The following NCAPG variants were observed in gnomAD, a reference collection of about 807,000 sequenced individuals.
NCAPG encodes condensin complex subunit 3.
Under a neutral mutation model 113.1 loss-of-function variants are expected in NCAPG, and 69 were observed. That is an observed-to-expected ratio of 0.61 (90% CI 0.50 to 0.75). The LOEUF is 0.75. Among genes scored for constraint, NCAPG ranks in the 30% least tolerant of loss-of-function variants. NCAPG has a pLI of 0.00. For synonymous variants in NCAPG, 370 were observed against 415.8 expected, an observed-to-expected ratio of 0.89 and a Z score of 1.34; for missense variants, 1,058 against 1,177.0, an observed-to-expected ratio of 0.90 and a Z score of 1.48.
intron 20 of NCAPG, 166 bp downstream of exon 20, chr4:17,842,545 AT>A: frequency 1.7e-6 from 1 of 582,680 alleles, no homozygotes; most frequent in Non-Finnish European, 3.1e-6. Context: ...CATCAAGAGC[AT>A]TTGACTTCTT....
At chr4:17,817,739 C>T (rs1408792557) in intron 6 of NCAPG, among the ~76,000 whole-genome samples, 200 bp from the exon 7 acceptor site, 2 of 152,132 alleles carry the variant, frequency 1.3e-5, no homozygotes, top group African/African-American at 2.4e-5. Flanking sequence ...GCAACATGCA[C>T]CCCTAGTATA....
intron 4 of NCAPG, 93 bp downstream of exon 4, chr4:17,815,091 A>C (rs1721148775): frequency 1.3e-6 from 2 of 1,517,626 alleles, no homozygotes; most frequent in Non-Finnish European, 9.0e-7. Context: ...GCATGTAATA[A>C]TTTCTTCAGT....
chr4:17,830,970 A>C, intron 12 of NCAPG, 27 bp from the exon 13 acceptor site: 1 of 1,600,472 alleles, frequency 6.2e-7, no homozygotes, highest in Non-Finnish European at 8.5e-7. Context: ...CTATGAAATC[A>C]TATGGAAAAT....
At chr4:17,818,275 A>G (rs747364696) in intron 7 of NCAPG, among the ~76,000 whole-genome samples, 187 bp downstream of exon 7, 5 of 152,186 alleles carry the variant, frequency 3.3e-5, no homozygotes, top group Non-Finnish European at 2.9e-5. Context: ...TGAAAGAGCA[A>G]GTCACTATGT....
intron 11 of NCAPG, among the ~76,000 whole-genome samples, chr4:17,826,414 A>T (rs561670122): frequency 9.9e-5 from 15 of 152,252 alleles, no homozygotes; most frequent in African/African-American, 3.4e-4. Context: ...TAGACATCCC[A>T]ACTCCAACAC....
chr4:17,820,145 T>TA, intron 7 of NCAPG, among the ~76,000 whole-genome samples: 1 of 152,200 alleles, frequency 6.6e-6, no homozygotes, highest in Admixed American at 6.5e-5. Context: ...TTAAATGGCA[T>TA]AAAGGGGGAG....
In NCAPG at chr4:17,831,077, T is replaced by C. The variant is rs1167002240; in HGVS notation, c.1845T>C (p.Asn615=). ...GCTTGGGATGCTGTGGACTACAGAATCAGGATTTTGCAAGGAAACACTTCG... is the reference window on the plus strand; with the variant it reads ...GCTTGGGATGCTGTGGACTACAGAACCAGGATTTTGCAAGGAAACACTTCG... ...VLCLGCCGLQ[N]QDFARKHFVL... Residue 615 remains asparagine, a synonymous_variant, in exon 13 of 21, where the codon AAT becomes AAC. Transcript: ENST00000251496. 6.2e-7 allele frequency: 1 copy of C among 1,613,734 alleles called. No homozygotes were observed. The highest frequency in any genetic ancestry group is 1.3e-5 in the African/African-American group (1 of 74,920).
chr4:17,819,845 A>C (rs927870379), intron 7 of NCAPG, among the ~76,000 whole-genome samples: 5 of 152,214 alleles, frequency 3.3e-5, no homozygotes, highest in Non-Finnish European at 5.9e-5. Context: ...ATTTCCCCTC[A>C]AAAATCCTAA....
intron 11 of NCAPG, among the ~76,000 whole-genome samples, chr4:17,825,976 AT>A (rs1207236520): frequency 1.3e-5 from 2 of 152,026 alleles, no homozygotes; most frequent in Non-Finnish European, 2.9e-5. Flanking sequence ...GGTAACGTGC[AT>A]TTTTTTAAAG....
Position 17,840,592 on chromosome 4 carries a change from T to C in NCAPG, c.2768-15T>C, listed in dbSNP as rs764075388. The C allele has an allele frequency of 1.6e-5, 22 of 1,361,614 alleles. No homozygotes were observed. In the South Asian group the frequency reaches 3.5e-4, roughly 21 times the overall value. The allele number at this position is 1,361,614 out of a possible 1,614,324, so 84.3% of individuals were successfully genotyped here. On this transcript the variant is annotated splice_polypyrimidine_tract_variant and intron_variant, in intron 18 of 20. Coordinates refer to ENST00000251496, the MANE Select transcript of NCAPG (RefSeq NM_022346.5). ...GGTTATCTTATTTATATTGTTGTATTATTCCCTTTAATAGAAAAGAATAAA... is the reference window on the plus strand; with the variant it reads ...GGTTATCTTATTTATATTGTTGTATCATTCCCTTTAATAGAAAAGAATAAA...
chr4:17,834,124 CA>C (rs1721985656), intron 13 of NCAPG, among the ~76,000 whole-genome samples, 174 bp from the exon 14 acceptor site: 1 of 151,984 alleles, frequency 6.6e-6, no homozygotes, highest in Non-Finnish European at 1.5e-5. Flanking sequence ...ATAAAAATAA[CA>C]TTTTTTTAAA....
Position 17,840,199 on chromosome 4 carries a change from A to G in NCAPG, c.2757A>G (p.Gln919=). Residue 919 remains glutamine, a synonymous_variant, in exon 18 of 21, where the codon CAA becomes CAG. Coordinates refer to ENST00000251496, the MANE Select transcript of NCAPG (RefSeq NM_022346.5). Reference sequence around the variant, plus strand: ...CCACCTTGACTACAACTACTTTCCAAAATGAAGATGGTAATCACATACTGA... The same window carrying G: ...CCACCTTGACTACAACTACTTTCCAGAATGAAGATGGTAATCACATACTGA... The part of the protein sequence containing the change: ...QDATLTTTTF[Q]NEDEKNKEVY... The G allele has an allele frequency of 1.3e-6, 2 of 1,597,716 alleles. No individual in the cohort carries two copies. The highest frequency in any genetic ancestry group is 1.7e-6 in the Non-Finnish European group (2 of 1,174,524).
At chr4:17,824,859 G>T in intron 9 of NCAPG, 109 bp from the exon 10 acceptor site, 1 of 622,596 alleles carries the variant, frequency 1.6e-6, no homozygotes, top group Non-Finnish European at 2.7e-6. Context: ...GTATGTTTTT[G>T]CTCCATTATT....
Position 17,830,983 on chromosome 4 carries a change from C to A in NCAPG, c.1765-14C>A. The A allele has an allele frequency of 6.2e-7, 1 of 1,606,206 alleles. No individual in the cohort carries two copies. The highest frequency in any genetic ancestry group is 8.5e-7 in the Non-Finnish European group (1 of 1,176,088). The stretch of plus-strand genomic sequence containing the variant: ...ATCTATGAAATCATATGGAAAATTT[C>A]TGATTCATTTTAGATTCTTCCTGGA... On this transcript the variant is annotated splice_polypyrimidine_tract_variant and intron_variant, in intron 12 of 20. Coordinates refer to ENST00000251496, the MANE Select transcript of NCAPG (RefSeq NM_022346.5).
chr4:17,829,089 A>C (rs1192238415), intron 12 of NCAPG, among the ~76,000 whole-genome samples: 3 of 152,146 alleles, frequency 2.0e-5, no homozygotes, highest in Non-Finnish European at 1.5e-5. Flanking sequence ...TCTGTTTTGC[A>C]TACTAAGTCT....
Position 17,825,573 on chromosome 4 carries a change from T to G in NCAPG, c.1653+12T>G. The G allele has an allele frequency of 1.3e-6, 2 of 1,571,012 alleles. No homozygotes were observed. Among genetic ancestry groups the G allele is most frequent in the African/African-American group, 2.8e-5 (2 of 72,110 alleles). ...TCCACATAGAGAAGGTACAGGTAAC[T>G]TTTTTCATACTAAATCTCAGGTGTT... On this transcript the variant is annotated intron_variant, in intron 11 of 20. Coordinates refer to ENST00000251496, the MANE Select transcript of NCAPG (RefSeq NM_022346.5).
chr4:17,839,444 G>A (rs1427951985), intron 16 of NCAPG, among the ~76,000 whole-genome samples: 2 of 152,144 alleles, frequency 1.3e-5, no homozygotes, highest in Non-Finnish European at 2.9e-5. Flanking sequence ...TGGGGGATGA[G>A]TGCATCTTTC....
At chr4:17,815,670 G>T (rs1454434531) in intron 5 of NCAPG, among the ~76,000 whole-genome samples, 2 of 152,056 alleles carry the variant, frequency 1.3e-5, no homozygotes, top group African/African-American at 2.4e-5. Context: ...GATTACAGGT[G>T]AACATCACCA....
intron 13 of NCAPG, among the ~76,000 whole-genome samples, chr4:17,831,923 G>GT (rs1721883667): frequency 6.6e-6 from 1 of 152,082 alleles, no homozygotes; most frequent in African/African-American, 2.4e-5. Context: ...ACCAGGGAGG[G>GT]TTTGGCAAAC....
Sources: gnomAD v4.1 joint callset for allele counts (sites outside exome capture counted in the v4.1 genomes callset) on GRCh38, gnomAD v4.1.1 for gene constraint, MANE v1.5 for transcripts, NCBI Gene and HGNC (gene_info 2026-07-23, HGNC 2026-07-21) for gene names.